CFAP54: variants seen among roughly 807,000 people sequenced by gnomAD.
CFAP54 encodes cilia and flagella associated protein 54.
In CFAP54, 290 loss-of-function variants were observed where a neutral mutation model predicts 370.4. The ratio of observed to expected loss-of-function variants is 0.78; its 90% CI spans 0.71 to 0.86. The LOEUF is 0.86. Ranked by LOEUF, CFAP54 falls within the 40% of genes least tolerant of loss-of-function variation. The pLI, the probability that CFAP54 is intolerant of heterozygous loss-of-function variation, is 0.00. For missense variants in CFAP54, 3,399 were observed against 3,528.7 expected (o/e 0.96, Z 0.93); for synonymous variants, 1,206 against 1,236.5 (o/e 0.98, Z 0.52).
At chr12:96,808,880 A>G (rs1266640218) in intron 63 of CFAP54, among the ~76,000 whole-genome samples, 1 of 152,184 alleles carries the variant, frequency 6.6e-6, no homozygotes, top group Non-Finnish European at 1.5e-5. Flanking sequence ...ATATGCTAAC[A>G]GGGTTGCAGC....
chr12:96,690,850 A>ATT (rs747479155), intron 43 of CFAP54, among the ~76,000 whole-genome samples: 2 of 152,162 alleles, frequency 1.3e-5, no homozygotes, highest in Non-Finnish European at 2.9e-5. Context: ...TTAACATATG[A>ATT]TTGACCCTCA....
At chr12:96,529,185 T>A (rs958207702) in intron 9 of CFAP54, among the ~76,000 whole-genome samples, 6 of 152,194 alleles carry the variant, frequency 3.9e-5, no homozygotes, top group African/African-American at 1.4e-4. Flanking sequence ...ATGACCAGCT[T>A]TGGTAAATAG....
chr12:96,587,702 C>T (rs931116120), intron 22 of CFAP54, among the ~76,000 whole-genome samples: 2 of 152,138 alleles, frequency 1.3e-5, no homozygotes, highest in Non-Finnish European at 2.9e-5. Context: ...AAGAAAAGAA[C>T]AGTTAATTAT....
intron 8 of CFAP54, among the ~76,000 whole-genome samples, 158 bp downstream of exon 8, chr12:96,522,347 C>CGTAGCCTCT (rs1257387952): frequency 6.6e-6 from 1 of 152,214 alleles, no homozygotes; most frequent in Non-Finnish European, 1.5e-5. Context: ...CTAGTTTGCA[C>CGTAGCCTCT]GTAGCCTCGC....
intron 66 of CFAP54, 50 bp from the exon 67 acceptor site, chr12:96,860,769 C>A: frequency 6.9e-7 from 1 of 1,453,266 alleles, no homozygotes; most frequent in South Asian, 1.4e-5. Context: ...AGAACTTTGT[C>A]AACAGTTTGA....
chr12:96,724,137 C>T (rs1275127182), intron 50 of CFAP54, among the ~76,000 whole-genome samples: 9 of 150,678 alleles, frequency 6.0e-5, no homozygotes, highest in African/African-American at 1.2e-4. Context: ...AATAAACATA[C>T]ATGTGCATGT....
chr12:96,769,775 G>A (rs538715675), intron 60 of CFAP54, among the ~76,000 whole-genome samples: 8 of 152,180 alleles, frequency 5.3e-5, no homozygotes, highest in African/African-American at 1.7e-4. Context: ...ACTGAGTCCC[G>A]CAGAACGTAA....
chr12:96,661,032 C>G (rs1401605163), intron 38 of CFAP54, among the ~76,000 whole-genome samples: 1 of 152,094 alleles, frequency 6.6e-6, no homozygotes, highest in East Asian at 1.9e-4. Flanking sequence ...CCGGGAACCT[C>G]CACATGTTCA....
At chr12:96,678,844 A>G (rs1211928266) in intron 39 of CFAP54, among the ~76,000 whole-genome samples, 4 of 152,070 alleles carry the variant, frequency 2.6e-5, no homozygotes. Context: ...ACCTCTTCCA[A>G]CTTACCATGT....
intron 60 of CFAP54, among the ~76,000 whole-genome samples, chr12:96,780,447 CA>C (rs1323947246): frequency 6.6e-6 from 1 of 152,064 alleles, no homozygotes; most frequent in Admixed American, 6.6e-5. Context: ...TACAACACTG[CA>C]GTGTTACATC....
intron 64 of CFAP54, among the ~76,000 whole-genome samples, chr12:96,816,278 C>T (rs551627864): frequency 1.3e-3 from 193 of 152,274 alleles, no homozygotes; most frequent in Middle Eastern, 3.4e-3. Flanking sequence ...AGGTCCTTCA[C>T]ATCCCTTGAA....
chr12:96,573,278 T>C (rs1282546416), intron 19 of CFAP54, among the ~76,000 whole-genome samples: 1 of 152,244 alleles, frequency 6.6e-6, no homozygotes, highest in Admixed American at 6.5e-5. Flanking sequence ...CGAATGAAGA[T>C]ACATTAATGT....
At chr12:96,581,204 C>A in intron 22 of CFAP54, 99 bp downstream of exon 22, 1 of 806,138 alleles carries the variant, frequency 1.2e-6, no homozygotes. Flanking sequence ...AGCAGATATT[C>A]TAAAGCTCCT....
At chr12:96,696,165 AG>A (rs1217762516) in intron 45 of CFAP54, among the ~76,000 whole-genome samples, 2 of 152,142 alleles carry the variant, frequency 1.3e-5, no homozygotes, top group African/African-American at 2.4e-5. Context: ...TGACTTGTTT[AG>A]GGGGTGGGGT....
At chr12:96,687,174 C>A (rs1957339378) in intron 42 of CFAP54, among the ~76,000 whole-genome samples, 1 of 152,096 alleles carries the variant, frequency 6.6e-6, no homozygotes, top group Non-Finnish European at 1.5e-5. Context: ...TGTCTCTGAC[C>A]CTCCTGCCTT....
chr12:96,668,203 G>A lies in CFAP54; in HGVS notation c.5563+4271G>A, dbSNP rs557151001. Among the ~76,000 whole-genome samples, 16 of 151,994 alleles carry A rather than the reference G, an allele frequency of 1.1e-4. No homozygotes were observed. The East Asian group carries it at 1.9e-3, about 18-fold the overall frequency. On this transcript the variant is annotated intron_variant, in intron 39 of 67. Coordinates refer to ENST00000524981, the MANE Select transcript of CFAP54 (RefSeq NM_001306084.2). ...TTCCCACAATTTCCTGTCTTCTTCC[G>A]AGCCCTCCAAACTGTTCCAACCTCT...
chr12:96,781,829 T>C (rs1050295566), intron 60 of CFAP54, among the ~76,000 whole-genome samples: 1 of 152,150 alleles, frequency 6.6e-6, no homozygotes, highest in Non-Finnish European at 1.5e-5. Flanking sequence ...CTAAAACTGA[T>C]AGTTTAAGAA....
chr12:96,542,792 A>G (rs1955591220), intron 14 of CFAP54, among the ~76,000 whole-genome samples: 1 of 152,212 alleles, frequency 6.6e-6, no homozygotes, highest in Non-Finnish European at 1.5e-5. Context: ...TATCTTTTAA[A>G]GTTGGTTTGT....
Position 96,489,872 on chromosome 12 carries a change from A to C in CFAP54, c.263A>C (p.Lys88Thr), listed in dbSNP as rs1157323037. The C allele has an allele frequency of 2.6e-6, 4 of 1,535,870 alleles. No homozygotes were observed. The highest frequency in any genetic ancestry group is 3.5e-6 in the Non-Finnish European group (4 of 1,146,808). The change falls in exon 1 of 68, where the codon AAA becomes ACA. Residue 88 changes from lysine to threonine, a missense_variant. Lys to Thr is a moderately conservative substitution (Grantham distance 78, BLOSUM62 -1). Transcript: ENST00000524981. ...EIQELLGFMR[K>T]KKALATTEEE... is the part of the protein sequence containing the mutation. ...CAGGAGTTGTTAGGCTTTATGAGGAAAAAGAAGGCTTTAGCCACCACGGAG... is the reference window on the plus strand; with the variant it reads ...CAGGAGTTGTTAGGCTTTATGAGGACAAAGAAGGCTTTAGCCACCACGGAG...
Sources: gnomAD v4.1 joint callset for allele counts (sites outside exome capture counted in the v4.1 genomes callset) on GRCh38, gnomAD v4.1.1 for gene constraint, MANE v1.5 for transcripts, NCBI Gene and HGNC (gene_info 2026-07-23, HGNC 2026-07-21) for gene names.